Variants in AGBL4 observed in about 807,000 individuals in gnomAD.
The protein encoded by AGBL4 is cytosolic carboxypeptidase 6.
AGBL4 carries 58 observed loss-of-function variants against 66.4 expected under a neutral mutation model. The observed-to-expected ratio is 0.87, with a 90% confidence interval of 0.71 to 1.09. The LOEUF (loss-of-function observed/expected upper bound fraction) is 1.09, where lower values mean the gene tolerates loss of function less well. AGBL4 is among the 50% of genes least tolerant of loss of function. The probability of loss-of-function intolerance (pLI) is 0.00; values close to 1 mark genes in which losing one functional copy is unlikely to be tolerated. For synonymous variants in AGBL4, 234 were observed against 222.9 expected (o/e 1.05, Z -0.44); for missense variants, 579 against 631.0 (o/e 0.92, Z 0.88).
chr1:48,708,387 T>A (rs320049), intron 6 of AGBL4, among the ~76,000 whole-genome samples: 129,318 of 152,020 alleles, frequency 0.85, 57,088 homozygotes, highest in East Asian at 0.97. Context: ...AGAGGAGCCG[T>A]TGGGGCTTGA....
intron 3 of AGBL4, among the ~76,000 whole-genome samples, chr1:49,620,882 CTTGA>C (rs529932413): frequency 1.3e-3 from 189 of 150,558 alleles, no homozygotes; most frequent in African/African-American, 4.4e-3. Flanking sequence ...TTCAAAATTA[CTTGA>C]TTAAGTTATT....
At chr1:49,386,442 T>C (rs1644738834) in intron 3 of AGBL4, among the ~76,000 whole-genome samples, 1 of 151,924 alleles carries the variant, frequency 6.6e-6, no homozygotes, top group South Asian at 2.1e-4. Context: ...TGTTAACCAA[T>C]ATAAAGCAAA....
intron 3 of AGBL4, among the ~76,000 whole-genome samples, chr1:49,625,694 C>T (rs1645451855): frequency 6.6e-6 from 1 of 152,122 alleles, no homozygotes. Context: ...AAACATGGCT[C>T]CAGAGAGCTG....
intron 4 of AGBL4, among the ~76,000 whole-genome samples, chr1:49,128,920 G>A (rs192558483): frequency 5.9e-5 from 9 of 151,700 alleles, no homozygotes; most frequent in Non-Finnish European, 1.0e-4. Flanking sequence ...TTCAGAAAAT[G>A]CAAAATAAAG....
At chr1:49,884,176 A>T (rs1056689130) in intron 1 of AGBL4, among the ~76,000 whole-genome samples, 3 of 151,986 alleles carry the variant, frequency 2.0e-5, no homozygotes, top group African/African-American at 7.2e-5. Flanking sequence ...AAGAATTCAG[A>T]TTTCACAGTC....
intron 1 of AGBL4, among the ~76,000 whole-genome samples, chr1:49,867,655 T>C (rs1646737856): frequency 6.6e-6 from 1 of 152,032 alleles, no homozygotes; most frequent in Non-Finnish European, 1.5e-5. Context: ...ATAAAATCAT[T>C]TTCAGCAAGC....
chr1:49,904,064 C>T (rs1055266742), intron 1 of AGBL4, among the ~76,000 whole-genome samples: 2 of 152,152 alleles, frequency 1.3e-5, no homozygotes, highest in Non-Finnish European at 2.9e-5. Flanking sequence ...CTGATAGATG[C>T]TAACATCATA....
At chr1:49,349,821 G>C (rs1010943571) in intron 3 of AGBL4, among the ~76,000 whole-genome samples, 1 of 152,132 alleles carries the variant, frequency 6.6e-6, no homozygotes, top group East Asian at 1.9e-4. Flanking sequence ...ATATAGATGG[G>C]CCTTAGTCCA....
intron 6 of AGBL4, among the ~76,000 whole-genome samples, chr1:48,800,338 C>A (rs1043090623): frequency 5.9e-5 from 9 of 152,124 alleles, no homozygotes; most frequent in Non-Finnish European, 1.3e-4. Context: ...TGATATCCAT[C>A]GTAATAGCTC....
intron 1 of AGBL4, among the ~76,000 whole-genome samples, chr1:49,983,719 T>C (rs1659270982): frequency 6.6e-6 from 1 of 152,258 alleles, no homozygotes; most frequent in Non-Finnish European, 1.5e-5. Flanking sequence ...GAACATTTTT[T>C]TGATTTTTTT....
At chr1:49,685,708 G>A (rs2124575778) in intron 3 of AGBL4, among the ~76,000 whole-genome samples, 1 of 152,218 alleles carries the variant, frequency 6.6e-6, no homozygotes. Flanking sequence ...CTTCTTTTGA[G>A]AAGTGTCCTT....
At chr1:48,591,636 A>G (rs769078788) in intron 9 of AGBL4, among the ~76,000 whole-genome samples, 15 of 152,266 alleles carry the variant, frequency 9.9e-5, no homozygotes, top group Non-Finnish European at 2.1e-4. Flanking sequence ...CTGTATATAT[A>G]ATGCATGCCC....
At chr1:48,908,086 C>G (rs565321175) in intron 5 of AGBL4, among the ~76,000 whole-genome samples, 24 of 152,300 alleles carry the variant, frequency 1.6e-4, no homozygotes, top group African/African-American at 5.1e-4. Context: ...TTGCAGTTCT[C>G]TCTTCTAAGA....
At chr1:49,235,356 C>T (rs1650644064) in intron 4 of AGBL4, among the ~76,000 whole-genome samples, 1 of 152,208 alleles carries the variant, frequency 6.6e-6, no homozygotes, top group East Asian at 1.9e-4. Flanking sequence ...TGCCCAAGGG[C>T]AGGAGCTAAG....
intron 3 of AGBL4, among the ~76,000 whole-genome samples, chr1:49,488,520 G>C (rs1647117199): frequency 6.6e-6 from 1 of 151,528 alleles, no homozygotes; most frequent in African/African-American, 2.4e-5. Context: ...ATCACCTCAA[G>C]CATTTATCCT....
At chr1:48,668,887 C>T (rs1336776904) in intron 6 of AGBL4, among the ~76,000 whole-genome samples, 1 of 152,150 alleles carries the variant, frequency 6.6e-6, no homozygotes, top group Non-Finnish European at 1.5e-5. Context: ...TAGGAGATAT[C>T]AATAGAGCTT....
chr1:49,998,755 C>G (rs1572034895), intron 1 of AGBL4, among the ~76,000 whole-genome samples: 2 of 152,098 alleles, frequency 1.3e-5, no homozygotes, highest in African/African-American at 4.8e-5. Flanking sequence ...GGGTTTCACA[C>G]CAGGGATGCA....
At chr1:49,128,130 A>T (rs1645803815) in intron 4 of AGBL4, among the ~76,000 whole-genome samples, 2 of 152,000 alleles carry the variant, frequency 1.3e-5, no homozygotes, top group African/African-American at 4.8e-5. Context: ...ATAAAAAAGA[A>T]TCAAATGAAA....
chr1:48,835,340 A>G (rs1419184401), intron 6 of AGBL4, among the ~76,000 whole-genome samples: 4 of 152,302 alleles, frequency 2.6e-5, no homozygotes, highest in Middle Eastern at 3.4e-3. Flanking sequence ...TCTAATGATG[A>G]GCAAAAACAG....
Sources: allele counts gnomAD v4.1 joint callset (sites outside exome capture counted in the v4.1 genomes callset), GRCh38; gene constraint gnomAD v4.1.1; transcripts MANE v1.5; gene names NCBI Gene and HGNC (gene_info 2026-07-23, HGNC 2026-07-21).